The following FBN2 variants were observed in gnomAD, a reference collection of about 807,000 sequenced individuals.
FBN2 encodes the protein fibrillin-2.
A neutral mutation model predicts 355.6 loss-of-function variants in FBN2; 105 were observed. The observed-to-expected ratio is 0.30, with a 90% CI of 0.25 to 0.35. FBN2 has a LOEUF of 0.35. FBN2 is among the 10% of genes least tolerant of loss of function. The pLI is 1.00. For synonymous variants in FBN2, 1,350 were observed against 1,301.2 expected (o/e 1.04, Z -0.81); for missense variants, 3,280 against 3,758.7 (o/e 0.87, Z 3.33).
chr5:128,534,346 A>T (rs750623399), intron 2 of FBN2, among the ~76,000 whole-genome samples: 59 of 152,294 alleles, frequency 3.9e-4, no homozygotes, highest in African/African-American at 1.1e-3. Flanking sequence ...TCTACATATG[A>T]TCATTTTAAA....
intron 58 of FBN2, among the ~76,000 whole-genome samples, chr5:128,276,365 A>G (rs1267680032): frequency 6.6e-6 from 1 of 152,184 alleles, no homozygotes; most frequent in African/African-American, 2.4e-5. Context: ...ATCTTGGGTA[A>G]ATATTATGAT....
At chr5:128,417,328 T>G (rs1753232149) in intron 7 of FBN2, among the ~76,000 whole-genome samples, 1 of 152,188 alleles carries the variant, frequency 6.6e-6, no homozygotes, top group Non-Finnish European at 1.5e-5. Context: ...CTTTTCTAAT[T>G]TGTATGCCTT....
chr5:128,439,176 C>CA (rs1019005819), intron 7 of FBN2, among the ~76,000 whole-genome samples: 3 of 151,234 alleles, frequency 2.0e-5, no homozygotes, highest in East Asian at 1.9e-4. Flanking sequence ...TTTGCTATTA[C>CA]AAAAAAAAGA....
At chr5:128,278,365 C>A (rs750535507) in intron 57 of FBN2, among the ~76,000 whole-genome samples, 1 of 152,162 alleles carries the variant, frequency 6.6e-6, no homozygotes, top group African/African-American at 2.4e-5. Context: ...TAGCTTTGTG[C>A]TTCATTTTCC....
chr5:128,507,364 A>T (rs1755990241), intron 5 of FBN2, among the ~76,000 whole-genome samples: 1 of 152,084 alleles, frequency 6.6e-6, no homozygotes, highest in Non-Finnish European at 1.5e-5. Flanking sequence ...CTGATAAAAA[A>T]ATTATGTAGT....
At chr5:128,397,132 A>G (rs931790115) in intron 8 of FBN2, among the ~76,000 whole-genome samples, 48 of 152,236 alleles carry the variant, frequency 3.2e-4, no homozygotes, top group African/African-American at 1.1e-3. Context: ...ACACATAATT[A>G]AAGGCACTGC....
intron 7 of FBN2, among the ~76,000 whole-genome samples, chr5:128,419,778 C>T (rs375786931): frequency 1.6e-4 from 25 of 152,118 alleles, no homozygotes; most frequent in African/African-American, 4.1e-4. Flanking sequence ...CCAAAACCTC[C>T]GCTTCCCAGG....
Position 128,392,173 on chromosome 5 carries a change from A to G in FBN2, c.1466-18T>C, listed in dbSNP as rs777266511. 6.2e-7 allele frequency: 1 copy of G among 1,608,080 alleles called. No homozygotes were observed. Among genetic ancestry groups the G allele is most frequent in the East Asian group, 2.2e-5 (1 of 44,748 alleles). On this transcript the variant is annotated intron_variant, in intron 10 of 64. Transcript: ENST00000262464. ...CAGAATTGCTACGGAAAATTAAAGCACAATTATATTTAATCATTACAACAT... is the reference window on the plus strand; with the variant it reads ...CAGAATTGCTACGGAAAATTAAAGCGCAATTATATTTAATCATTACAACAT...
At chr5:128,530,186 G>T (rs996289499) in intron 3 of FBN2, among the ~76,000 whole-genome samples, 8 of 152,186 alleles carry the variant, frequency 5.3e-5, no homozygotes, top group Admixed American at 5.2e-4. Flanking sequence ...TTATGAAGTT[G>T]TTGGCAGTTA....
Position 128,537,829 on chromosome 5 carries a change from G to T in FBN2, c.-226C>A, listed in dbSNP as rs2112811676. On this transcript the variant is annotated 5_prime_UTR_variant, in exon 1 of 65. Transcript: ENST00000262464. ...CGCCGGGTCTAGCGCAGTGAGCGGC[G>T]AGGCGCGGCGGAGGTGCAGCCGGCA... 2 of 599,880 alleles carry T rather than the reference G, an allele frequency of 3.3e-6. No individual in the cohort carries two copies. Among genetic ancestry groups the T allele is most frequent in the Middle Eastern group, 8.8e-4 (2 of 2,264 alleles). 37.2% of individuals were successfully genotyped at this position (599,880 alleles called of 1,614,324 possible). A position where few individuals can be genotyped will look rare whatever the true frequency, so the allele number is the denominator to read the frequency against.
At chr5:128,354,235 G>C (rs1204175621) in intron 20 of FBN2, among the ~76,000 whole-genome samples, 2 of 152,146 alleles carry the variant, frequency 1.3e-5, no homozygotes, top group African/African-American at 4.8e-5. Context: ...CTGCAAACCC[G>C]AGAGAAAAAC....
intron 7 of FBN2, among the ~76,000 whole-genome samples, chr5:128,426,290 G>A (rs978471225): frequency 1.3e-5 from 2 of 152,126 alleles, no homozygotes; most frequent in African/African-American, 2.4e-5. Context: ...GATCTTGACC[G>A]AGACTTCGAA....
At chr5:128,479,502 C>T (rs1473169036) in intron 5 of FBN2, among the ~76,000 whole-genome samples, 1 of 151,990 alleles carries the variant, frequency 6.6e-6, no homozygotes, top group Non-Finnish European at 1.5e-5. Flanking sequence ...AAGTACTATC[C>T]TTATGCCCAC....
At chr5:128,532,672 A>T (rs187070684) in intron 2 of FBN2, among the ~76,000 whole-genome samples, 1 of 152,318 alleles carries the variant, frequency 6.6e-6, no homozygotes, top group Non-Finnish European at 1.5e-5. Flanking sequence ...GCAGAAGTAA[A>T]CTAACTCACT....
At chr5:128,514,496 T>G (rs1581363190) in intron 5 of FBN2, among the ~76,000 whole-genome samples, 1 of 152,284 alleles carries the variant, frequency 6.6e-6, no homozygotes, top group Middle Eastern at 3.4e-3. Context: ...TATATATTGG[T>G]TTTTCTTATA....
At position 128,305,878 on chromosome 5, in the gene FBN2, G is replaced by T. The variant is rs145498631; in HGVS notation, c.5493C>A (p.Phe1831Leu). The T allele has an allele frequency of 1.2e-6, 2 of 1,613,940 alleles. No individual in the cohort carries two copies. The highest frequency in any genetic ancestry group is 2.2e-5 in the East Asian group (1 of 44,864). Residue 1831 changes from phenylalanine (F) to leucine (L), a missense_variant, in exon 43 of 65, where the codon TTC (phenylalanine) becomes TTA (leucine). Around this residue, in one of 6 missense-constraint regions of FBN2, gnomAD observed 2,284 missense variants for 2,749.5 expected, o/e 0.83. Coordinates refer to ENST00000262464, the MANE Select transcript of FBN2 (RefSeq NM_001999.4). Reference sequence around the variant, plus strand: ...TGAATCCTGTAGGGCATTCACAGCGGAAACTGCCAATCTGGTTAATGCACA... The same window carrying T: ...TGAATCCTGTAGGGCATTCACAGCGTAAACTGCCAATCTGGTTAATGCACA... ...NGVCINQIGSFRCECPTGFSY... is the reference protein window; with the variant it reads ...NGVCINQIGSLRCECPTGFSY...
intron 34 of FBN2, among the ~76,000 whole-genome samples, chr5:128,327,872 A>G (rs1245871277): frequency 6.6e-6 from 1 of 152,174 alleles, no homozygotes; most frequent in Non-Finnish European, 1.5e-5. Context: ...TCCCAACCTC[A>G]GGTGATCCAC....
At position 128,538,231 on chromosome 5, in the gene FBN2, T is replaced by C. The variant is rs572296894; in HGVS notation, c.-628A>G. On this transcript the variant is annotated 5_prime_UTR_variant, in exon 1 of 65. Transcript: ENST00000262464. ...AGAGAGAGGGCGGGAGGCTGGGCGC[T>C]GGAGAAGATGCGGCGGTGGAGGGCG... 88 of 151,054 alleles carry C rather than the reference T, an allele frequency of 5.8e-4. 2 individuals carry two copies. The South Asian group carries it at 0.016, about 28-fold the overall frequency. 9.4% of individuals were successfully genotyped at this position (151,054 alleles called of 1,614,324 possible). A position where few individuals can be genotyped will look rare whatever the true frequency, so the allele number is the denominator to read the frequency against.
intron 5 of FBN2, among the ~76,000 whole-genome samples, chr5:128,470,191 G>A (rs1754820219): frequency 6.6e-6 from 1 of 152,198 alleles, no homozygotes. Flanking sequence ...GACATAGGAA[G>A]CACATGCTGT....
Sources: allele counts gnomAD v4.1 joint callset (sites outside exome capture counted in the v4.1 genomes callset), GRCh38; gene constraint gnomAD v4.1.1; regional missense constraint gnomAD v4.1.1; transcripts MANE v1.5; gene names NCBI Gene and HGNC (gene_info 2026-07-23, HGNC 2026-07-21).